Variants in RBM25 observed in about 807,000 individuals in gnomAD.
RBM25 encodes RNA binding motif protein 25, also known as RNA-binding protein 25.
Under a neutral mutation model 120.7 loss-of-function variants are expected in RBM25, and 19 were observed. The ratio of observed to expected loss-of-function variants is 0.16; its 90% CI spans 0.11 to 0.23. The LOEUF (loss-of-function observed/expected upper bound fraction) is 0.23. Among genes scored for constraint, RBM25 ranks in the 10% least tolerant of loss-of-function variants. The pLI, the probability that RBM25 is intolerant of heterozygous loss-of-function variation, is 1.00. For synonymous variants in RBM25, 390 were observed against 326.7 expected, an observed-to-expected ratio of 1.19 and a Z score of -2.09; for missense variants, 605 against 1,041.5, an observed-to-expected ratio of 0.58 and a Z score of 5.77.
chr14:73,076,083 G>C lies in RBM25; in HGVS notation c.107-236G>C, dbSNP rs192247814. ...CTATCCAGGATTTTATGCTCTTTAAGTCAAAAGCATATTGAGGTGGCCATT... is the reference window on the plus strand; with the variant it reads ...CTATCCAGGATTTTATGCTCTTTAACTCAAAAGCATATTGAGGTGGCCATT... On this transcript the variant is annotated intron_variant, in intron 2 of 18. Coordinates refer to ENST00000261973, the MANE Select transcript of RBM25 (RefSeq NM_021239.3). 5.3e-5 allele frequency among the ~76,000 whole-genome samples: 8 copies of C among 152,318 alleles called. 1 individual carries two copies. The highest frequency in any genetic ancestry group is 5.2e-4 in the Admixed American group (8 of 15,290).
chr14:73,065,470 G>C (rs1316000967), intron 1 of RBM25, among the ~76,000 whole-genome samples: 4 of 149,950 alleles, frequency 2.7e-5, no homozygotes, highest in African/African-American at 9.9e-5. Flanking sequence ...CTGTCGCCAA[G>C]GTGGAGTGCA....
At chr14:73,097,996 G>C (rs1895985057) in intron 7 of RBM25, among the ~76,000 whole-genome samples, 1 of 152,146 alleles carries the variant, frequency 6.6e-6, no homozygotes, top group African/African-American at 2.4e-5. Flanking sequence ...AGAAGTGGTG[G>C]CTGACACATG....
At chr14:73,100,203 A>G (rs1469294456) in intron 9 of RBM25, 2 of 565,530 alleles carry the variant, frequency 3.5e-6, no homozygotes, top group Non-Finnish European at 6.4e-6. Flanking sequence ...TTTAAACAGT[A>G]GGTCAGTGGT....
chr14:73,083,438 A>G (rs947508927), intron 4 of RBM25, 56 bp from the exon 5 acceptor site: 13 of 1,359,176 alleles, frequency 9.6e-6, no homozygotes, highest in African/African-American at 1.5e-5. Context: ...TTTTAGTTAC[A>G]TTAAAAATTA....
chr14:73,115,702 G>A (rs1225818195), intron 18 of RBM25, among the ~76,000 whole-genome samples: 1 of 152,220 alleles, frequency 6.6e-6, no homozygotes, highest in East Asian at 1.9e-4. Context: ...TTGAGCAAGA[G>A]ATTGAACTAT....
intron 6 of RBM25, among the ~76,000 whole-genome samples, chr14:73,093,948 GTTTT>G (rs1004873413): frequency 1.6e-5 from 2 of 122,168 alleles, no homozygotes; most frequent in Non-Finnish European, 3.4e-5. Context: ...ATCAGGTTTT[GTTTT>G]TTTTTTTTTT....
chr14:73,112,804 G>GT (rs1896340650), intron 17 of RBM25, among the ~76,000 whole-genome samples: 1 of 151,570 alleles, frequency 6.6e-6, no homozygotes, highest in Non-Finnish European at 1.5e-5. Context: ...TTTGTTTTTT[G>GT]TTTTTGTTTT....
intron 17 of RBM25, among the ~76,000 whole-genome samples, chr14:73,114,037 A>C (rs1167273437): frequency 6.6e-6 from 1 of 152,234 alleles, no homozygotes; most frequent in Non-Finnish European, 1.5e-5. Context: ...ACTTGTAATT[A>C]TTGTGGCATT....
intron 1 of RBM25, among the ~76,000 whole-genome samples, chr14:73,066,875 T>G (rs1895148480): frequency 6.6e-6 from 1 of 152,074 alleles, no homozygotes; most frequent in Non-Finnish European, 1.5e-5. Flanking sequence ...CTCAACCTCA[T>G]TAGTCATGAG....
At chr14:73,073,813 A>G (rs1253188216) in intron 2 of RBM25, among the ~76,000 whole-genome samples, 5 of 152,240 alleles carry the variant, frequency 3.3e-5, no homozygotes, top group African/African-American at 4.8e-5. Flanking sequence ...GCTTCTAGAT[A>G]ATCATGGATG....
intron 1 of RBM25, among the ~76,000 whole-genome samples, chr14:73,067,626 CAG>C (rs1243250205): frequency 7.9e-6 from 1 of 125,944 alleles, no homozygotes; most frequent in Non-Finnish European, 1.7e-5. Flanking sequence ...TTTTTTGAAA[CAG>C]AGTCTCGCTC....
At chr14:73,083,898 CTTTT>C (rs146202316) in intron 5 of RBM25, among the ~76,000 whole-genome samples, 2 of 141,162 alleles carry the variant, frequency 1.4e-5, no homozygotes, top group Non-Finnish European at 1.6e-5. Flanking sequence ...GGCCTGTTAA[CTTTT>C]TTTTTTTTTT....
chr14:73,112,798 T>G (rs935820174), intron 17 of RBM25, among the ~76,000 whole-genome samples: 2 of 151,972 alleles, frequency 1.3e-5, no homozygotes, highest in African/African-American at 2.4e-5. Context: ...TTGTTTTTTG[T>G]TTTTTGTTTT....
At chr14:73,099,355 A>T (rs1896015396) in intron 7 of RBM25, 25 bp from the exon 8 acceptor site, 1 of 1,590,300 alleles carries the variant, frequency 6.3e-7, no homozygotes, top group Non-Finnish European at 8.5e-7. Context: ...TTTTTAAAAA[A>T]GATTCTTGGT....
chr14:73,098,707 G>A (rs61985151), intron 7 of RBM25, among the ~76,000 whole-genome samples: 3,700 of 151,730 alleles, frequency 0.024, 66 homozygotes, highest in Non-Finnish European at 0.04. Context: ...CAGCAGCTGC[G>A]ATCTCAGCTC....
chr14:73,094,598 AT>A (rs1251406863), intron 6 of RBM25, among the ~76,000 whole-genome samples: 1 of 150,338 alleles, frequency 6.7e-6, no homozygotes, highest in Non-Finnish European at 1.5e-5. Context: ...TGCCCGGCTA[AT>A]TTTTTGTGTT....
At chr14:73,099,482 G>T in intron 8 of RBM25, 49 bp downstream of exon 8, 1 of 1,593,900 alleles carries the variant, frequency 6.3e-7, no homozygotes, top group Non-Finnish European at 8.6e-7. Context: ...ACTGCTGATT[G>T]TTGATTTGTC....
At chr14:73,106,370 T>G in intron 12 of RBM25, 85 bp downstream of exon 12, 2 of 1,068,190 alleles carry the variant, frequency 1.9e-6, no homozygotes, top group East Asian at 5.2e-5. Context: ...ACTTAATAAT[T>G]GAAATGCACA....
At chr14:73,083,421 ATT>A (rs1234868756) in intron 4 of RBM25, 71 bp from the exon 5 acceptor site, 1 of 1,187,088 alleles carries the variant, frequency 8.4e-7, no homozygotes, top group Non-Finnish European at 1.1e-6. Flanking sequence ...TAGAAATATA[ATT>A]TTGCTTTTAG....
Sources: allele counts gnomAD v4.1 joint callset (sites outside exome capture counted in the v4.1 genomes callset), GRCh38; gene constraint gnomAD v4.1.1; transcripts MANE v1.5; gene names NCBI Gene and HGNC (gene_info 2026-07-23, HGNC 2026-07-21).